Variants in PLEKHM3 observed in about 807,000 individuals in gnomAD.
The protein encoded by PLEKHM3 is pleckstrin homology domain-containing family M member 3.
A neutral mutation model predicts 81.8 loss-of-function variants in PLEKHM3; 45 were observed. That is an observed-to-expected ratio of 0.55 (90% CI 0.43 to 0.71). The LOEUF (loss-of-function observed/expected upper bound fraction) is 0.71, where lower values mean the gene tolerates loss of function less well. Among genes scored for constraint, PLEKHM3 ranks in the 30% least tolerant of loss-of-function variants. PLEKHM3 has a pLI of 0.00. For missense variants in PLEKHM3, 788 were observed against 924.3 expected (o/e 0.85, Z 1.91); for synonymous variants, 352 against 356.4 (o/e 0.99, Z 0.14).
chr2:207,877,822 A>C (rs774591220), intron 6 of PLEKHM3, among the ~76,000 whole-genome samples: 6 of 152,228 alleles, frequency 3.9e-5, no homozygotes, highest in Admixed American at 2.6e-4. Flanking sequence ...ATCACCAGAA[A>C]GATCTTATTA....
Position 207,843,442 on chromosome 2 carries a change from A to ATATCTTAAATGTGCTTTCTCT in PLEKHM3, c.2109-14947_2109-14946insAGAGAAAGCACATTTAAGATA, listed in dbSNP as rs2092365552. Among the ~76,000 whole-genome samples, 1 of 152,174 alleles carries ATATCTTAAATGTGCTTTCTCT rather than the reference A, an allele frequency of 6.6e-6. No homozygotes were observed. Among genetic ancestry groups the ATATCTTAAATGTGCTTTCTCT allele is most frequent in the Admixed American group, 6.5e-5 (1 of 15,280 alleles). On this transcript the variant is annotated intron_variant, in intron 7 of 7. Transcript: ENST00000427836. This position sits in a 1 kb window ranked among gnomAD's most constrained non-coding sequence, Gnocchi z 4.4. ...CCCTAACTAGATCTCTCACTTTTAA[A>ATATCTTAAATGTGCTTTCTCT]CAGTATATCTTAAATGTGCTTTCAG...
At chr2:207,893,768 C>A (rs1433375262) in intron 6 of PLEKHM3, among the ~76,000 whole-genome samples, 2 of 152,106 alleles carry the variant, frequency 1.3e-5, no homozygotes, top group Non-Finnish European at 2.9e-5. Flanking sequence ...ACAGGTCAGT[C>A]ATAGCTACAG....
chr2:207,904,886 T>C (rs987073687), intron 6 of PLEKHM3, among the ~76,000 whole-genome samples: 3 of 152,222 alleles, frequency 2.0e-5, no homozygotes, highest in Non-Finnish European at 4.4e-5. Flanking sequence ...GACAATAAGA[T>C]TGCAATTTTT....
chr2:207,834,908 T>C (rs961093157), intron 7 of PLEKHM3, among the ~76,000 whole-genome samples: 2 of 152,098 alleles, frequency 1.3e-5, no homozygotes, highest in Non-Finnish European at 2.9e-5. Flanking sequence ...AAATTGCTTT[T>C]ATGCAACTGT....
At chr2:207,989,832 C>T (rs1691840698) in intron 2 of PLEKHM3, among the ~76,000 whole-genome samples, 1 of 152,204 alleles carries the variant, frequency 6.6e-6, no homozygotes, top group Non-Finnish European at 1.5e-5. Context: ...GCAAATTGAA[C>T]CCCAGGATTT....
intron 1 of PLEKHM3, among the ~76,000 whole-genome samples, chr2:208,016,668 A>AAAACACACACACACACACACACACACAC (rs1553568085): frequency 1.6e-5 from 1 of 61,554 alleles, no homozygotes; most frequent in African/African-American, 4.5e-5. Context: ...AAAAAAAAAA[A>AAAACACACACACACACACACACACACAC]ATACACACAC....
In PLEKHM3 at chr2:207,824,796, C is replaced by T. The variant is rs2092239353; in HGVS notation, c.*3523G>A. Reference sequence around the variant, plus strand: ...TCGGCAACTAGGGTGGTGTAAACACCTCGGATCTCACTGCAGCCGGAAGGA... The same window carrying T: ...TCGGCAACTAGGGTGGTGTAAACACTTCGGATCTCACTGCAGCCGGAAGGA... On this transcript the variant is annotated 3_prime_UTR_variant, in exon 8 of 8. Transcript: ENST00000427836. 6.6e-6 allele frequency: 1 copy of T among 152,200 alleles called. No individual in the cohort carries two copies. The highest frequency in any genetic ancestry group is 1.5e-5 in the Non-Finnish European group (1 of 68,052). The allele number at this position is 152,200 out of a possible 1,614,324, so 9.4% of individuals were successfully genotyped here. A position where few individuals can be genotyped will look rare whatever the true frequency, so the allele number is the denominator to read the frequency against.
intron 2 of PLEKHM3, among the ~76,000 whole-genome samples, chr2:207,988,229 T>C (rs1221880790): frequency 6.6e-6 from 1 of 152,220 alleles, no homozygotes; most frequent in African/African-American, 2.4e-5. Flanking sequence ...TTCAACATCA[T>C]ACTAACCCAT....
intron 7 of PLEKHM3, among the ~76,000 whole-genome samples, chr2:207,841,505 A>C (rs1375013925): frequency 7.6e-6 from 1 of 132,252 alleles, no homozygotes; most frequent in Non-Finnish European, 1.6e-5. Context: ...ATATATATAT[A>C]TATTCACCAC....
chr2:207,846,290 C>T (rs1027873948), intron 7 of PLEKHM3, among the ~76,000 whole-genome samples: 15 of 151,828 alleles, frequency 9.9e-5, no homozygotes, highest in Admixed American at 2.6e-4. Context: ...TACAGGCGCC[C>T]GCCACCACAC....
chr2:207,886,442 T>C (rs1687888459), intron 6 of PLEKHM3, among the ~76,000 whole-genome samples: 1 of 152,236 alleles, frequency 6.6e-6, no homozygotes, highest in Admixed American at 6.5e-5. Context: ...CCAGGTATTG[T>C]CATAGCTGCA....
At chr2:208,010,395 T>C (rs561695056) in intron 1 of PLEKHM3, among the ~76,000 whole-genome samples, 3 of 152,250 alleles carry the variant, frequency 2.0e-5, no homozygotes, top group Non-Finnish European at 4.4e-5. Context: ...TGTCTTGCTC[T>C]TAGAAACAAA....
intron 6 of PLEKHM3, among the ~76,000 whole-genome samples, chr2:207,877,154 A>C (rs2092563639): frequency 6.6e-6 from 1 of 152,226 alleles, no homozygotes; most frequent in South Asian, 2.1e-4. Flanking sequence ...TAGTTTCAAA[A>C]AGAAAAGCAT....
At chr2:207,975,577 A>C (rs138675698) in intron 3 of PLEKHM3, among the ~76,000 whole-genome samples, 116 of 141,848 alleles carry the variant, frequency 8.2e-4, no homozygotes, top group African/African-American at 2.7e-3. Flanking sequence ...GTGAGGTTTT[A>C]AAAGCTTTTT....
intron 6 of PLEKHM3, among the ~76,000 whole-genome samples, chr2:207,896,324 A>G (rs1273096205): frequency 1.3e-5 from 2 of 152,252 alleles, no homozygotes. Context: ...TAGCCAGAAT[A>G]AAAAGTGACC....
At chr2:207,899,746 CAG>C (rs1167236614) in intron 6 of PLEKHM3, among the ~76,000 whole-genome samples, 1 of 152,176 alleles carries the variant, frequency 6.6e-6, no homozygotes, top group African/African-American at 2.4e-5. Context: ...CTGAAGCATG[CAG>C]ACAGTGTTAA....
intron 5 of PLEKHM3, among the ~76,000 whole-genome samples, chr2:207,923,025 C>G (rs1389725464): frequency 6.6e-6 from 1 of 152,084 alleles, no homozygotes; most frequent in Admixed American, 6.5e-5. Flanking sequence ...GTCATTTTGG[C>G]TGGGCTGGGG....
intron 3 of PLEKHM3, among the ~76,000 whole-genome samples, chr2:207,948,480 C>A (rs192522010): frequency 1.3e-5 from 2 of 151,516 alleles, no homozygotes; most frequent in African/African-American, 4.8e-5. Flanking sequence ...CTCAGCCTCC[C>A]GAGTAGCTGG....
chr2:207,999,506 T>G (rs1019262975), intron 2 of PLEKHM3, among the ~76,000 whole-genome samples: 3 of 152,078 alleles, frequency 2.0e-5, no homozygotes, highest in Admixed American at 2.0e-4. Flanking sequence ...CTTGAGAGGC[T>G]GATGTGGGAG....
Sources: gnomAD v4.1 joint callset for allele counts (sites outside exome capture counted in the v4.1 genomes callset) on GRCh38, gnomAD v4.1.1 for gene constraint, Gnocchi (gnomAD v3.1) non-coding constraint, MANE v1.5 for transcripts, NCBI Gene and HGNC (gene_info 2026-07-23, HGNC 2026-07-21) for gene names.